The following RBM48 variants were observed in gnomAD, a reference collection of about 807,000 sequenced individuals.
RBM48 encodes the protein RNA-binding protein 48.
A neutral mutation model predicts 34.8 loss-of-function variants in RBM48; 32 were observed. That is an observed-to-expected ratio of 0.92 (90% CI 0.69 to 1.23). The LOEUF is 1.23. RBM48 is among the 50% of genes most tolerant of loss of function. The probability of loss-of-function intolerance (pLI) is 0.00; values close to 1 mark genes in which losing one functional copy is unlikely to be tolerated. For synonymous variants in RBM48, 151 were observed against 156.2 expected (o/e 0.97, Z 0.25); for missense variants, 441 against 447.2 (o/e 0.99, Z 0.12).
chr7:92,535,028 A>G (rs1388349595), intron 4 of RBM48, 58 bp downstream of exon 4: 1 of 1,588,954 alleles, frequency 6.3e-7, no homozygotes, highest in Non-Finnish European at 8.6e-7. Flanking sequence ...GATTAAATGG[A>G]GAATTATTTG....
At chr7:92,534,234 T>A (rs1793646452) in intron 3 of RBM48, 168 bp from the exon 4 acceptor site, 1 of 997,102 alleles carries the variant, frequency 1.0e-6, no homozygotes, top group East Asian at 2.7e-5. Flanking sequence ...TTTATCCGTT[T>A]TAGGTTTTAA....
In RBM48 at chr7:92,538,309, C is replaced by T. The variant is rs986947014; in HGVS notation, c.*1372C>T. 6.6e-6 allele frequency among the ~76,000 whole-genome samples: 1 copy of T among 152,194 alleles called. No individual in the cohort carries two copies. Among genetic ancestry groups the T allele is most frequent in the Non-Finnish European group, 1.5e-5 (1 of 68,032 alleles). ...GGTTGTGATAGACGGAGCAAGTGATCTATAGGCAACACATGGTTAGAGTTG... is the reference window on the plus strand; with the variant it reads ...GGTTGTGATAGACGGAGCAAGTGATTTATAGGCAACACATGGTTAGAGTTG... On this transcript the variant is annotated 3_prime_UTR_variant, in exon 5 of 5. Coordinates refer to ENST00000265732, the MANE Select transcript of RBM48 (RefSeq NM_032120.4).
At position 92,538,158 on chromosome 7, in the gene RBM48, A is replaced by G. The variant is rs1585281037; in HGVS notation, c.*1221A>G. On this transcript the variant is annotated 3_prime_UTR_variant, in exon 5 of 5. Transcript: ENST00000265732. ...GACAAAACCCCGCAGACACCAGGTT[A>G]TAGAAAGAAGAGGCTTTATTCGGCC... 6.6e-6 allele frequency among the ~76,000 whole-genome samples: 1 copy of G among 151,058 alleles called. No homozygotes were observed. Among genetic ancestry groups the G allele is most frequent in the East Asian group, 1.9e-4 (1 of 5,200 alleles).
chr7:92,538,684 T>G lies in RBM48; in HGVS notation c.*1747T>G, dbSNP rs1423079358. On this transcript the variant is annotated 3_prime_UTR_variant, in exon 5 of 5. Transcript: ENST00000265732. ...AGGCTTCTCAGACTATAAGTTGCTA[T>G]GATCTCCACCTCAGGATCTTGTTAA... Among the ~76,000 whole-genome samples, 1 of 152,186 alleles carries G rather than the reference T, an allele frequency of 6.6e-6. No homozygotes were observed. The highest frequency in any genetic ancestry group is 1.5e-5 in the Non-Finnish European group (1 of 68,028).
At chr7:92,532,298 C>A (rs1793594005) in intron 2 of RBM48, 106 bp from the exon 3 acceptor site, 1 of 906,284 alleles carries the variant, frequency 1.1e-6, no homozygotes, top group Non-Finnish European at 1.7e-6. Flanking sequence ...ATACACGTAG[C>A]AAAAGCTGGA....
At chr7:92,535,618 A>G (rs1793691982) in intron 4 of RBM48, 1 of 985,162 alleles carries the variant, frequency 1.0e-6, no homozygotes, top group Non-Finnish European at 1.2e-6. Flanking sequence ...GGTAGGGACT[A>G]CTGTTACAAA....
intron 2 of RBM48, among the ~76,000 whole-genome samples, chr7:92,532,111 T>C (rs1420557848): frequency 6.6e-6 from 1 of 152,160 alleles, no homozygotes; most frequent in Non-Finnish European, 1.5e-5. Context: ...AAGCTCCATT[T>C]TATGACCACA....
At position 92,534,945 on chromosome 7, in the gene RBM48, A is replaced by G. The variant is rs777288338; in HGVS notation, c.992A>G (p.Asn331Ser). The change falls in exon 4 of 5, where the codon AAT becomes AGT. Residue 331 changes from asparagine to serine, a missense_variant. Physicochemically the swap from Asn to Ser is conservative, Grantham distance 46. Transcript: ENST00000265732. ...MHDDSLNTTANLIRHKLKEVI... is the reference protein window; with the variant it reads ...MHDDSLNTTASLIRHKLKEVI... ...GATGACTCATTGAATACAACGGCGA[A>G]TTTAATTCGGCATAAACTTAAAGAG... 1.2e-6 allele frequency: 2 copies of G among 1,614,196 alleles called. No individual in the cohort carries two copies. Among genetic ancestry groups the G allele is most frequent in the Admixed American group, 3.3e-5 (2 of 60,010 alleles).
chr7:92,533,168 A>T (rs1011980157), intron 3 of RBM48, among the ~76,000 whole-genome samples: 12 of 152,242 alleles, frequency 7.9e-5, no homozygotes, highest in Non-Finnish European at 1.5e-4. Flanking sequence ...AAACTCTTGG[A>T]AAACTTACTC....
At chr7:92,536,490 A>G in intron 4 of RBM48, 2 of 989,576 alleles carry the variant, frequency 2.0e-6, no homozygotes, top group Non-Finnish European at 2.4e-6. Flanking sequence ...CATCCCCCCA[A>G]ATCTATCAAA....
rs1367451240 is a variant in RBM48 at position 92,534,670 on chromosome 7, C to T, written c.717C>T (p.Asn239=). The change falls in exon 4 of 5, where the codon AAC becomes AAT. Residue 239 remains asparagine (N), a synonymous_variant. Transcript: ENST00000265732. The part of the protein sequence containing the change: ...RNHHKTMGHY[N]HNDSLRKTQI... Reference sequence around the variant, plus strand: ...ATCATAAAACAATGGGGCATTATAACCACAATGACTCTTTGCGGAAAACAC... The same window carrying T: ...ATCATAAAACAATGGGGCATTATAATCACAATGACTCTTTGCGGAAAACAC... The T allele has an allele frequency of 1.2e-6, 2 of 1,614,208 alleles. No individual in the cohort carries two copies. Among genetic ancestry groups the T allele is most frequent in the Admixed American group, 1.7e-5 (1 of 60,030 alleles).
At chr7:92,536,018 C>A in intron 4 of RBM48, 1 of 393,096 alleles carries the variant, frequency 2.5e-6, no homozygotes. Context: ...ACTCTTGTAG[C>A]TACTTGGGAA....
chr7:92,536,951 A>G lies in RBM48; in HGVS notation c.*14A>G, dbSNP rs1461308504. The G allele has an allele frequency of 3.3e-6, 5 of 1,532,800 alleles. No homozygotes were observed. The highest frequency in any genetic ancestry group is 4.4e-6 in the Non-Finnish European group (5 of 1,136,180). 94.9% of individuals were successfully genotyped at this position (1,532,800 alleles called of 1,614,324 possible). On this transcript the variant is annotated 3_prime_UTR_variant, in exon 5 of 5. Coordinates refer to ENST00000265732, the MANE Select transcript of RBM48 (RefSeq NM_032120.4). ...AGAAGAATATAGAGTGCCAGCAGCAACTTAGTATTTTCTAAAAAGAACATT... is the reference window on the plus strand; with the variant it reads ...AGAAGAATATAGAGTGCCAGCAGCAGCTTAGTATTTTCTAAAAAGAACATT...
intron 3 of RBM48, chr7:92,534,095 A>G (rs2116324338): frequency 6.6e-6 from 2 of 300,762 alleles, no homozygotes; most frequent in East Asian, 1.8e-4. Context: ...TGGGGAGAAA[A>G]TGGGAGGAAG....
intron 4 of RBM48, chr7:92,535,998 G>A (rs1003576446): frequency 3.5e-5 from 13 of 368,702 alleles, no homozygotes; most frequent in Middle Eastern, 1.3e-3. Flanking sequence ...TTAGCCAGGC[G>A]TGGTGGTGAA....
chr7:92,532,550 G>C lies in RBM48; in HGVS notation c.448+1G>C, dbSNP rs1388893735. 1 of 1,606,894 alleles carries C rather than the reference G, an allele frequency of 6.2e-7. No individual in the cohort carries two copies. The highest frequency in any genetic ancestry group is 1.3e-5 in the African/African-American group (1 of 74,578). ...GTAGTAAAAACTACTGAAAATAAAGGTATGGAAAGCATATTGCTAAATGCC... is the reference window on the plus strand; with the variant it reads ...GTAGTAAAAACTACTGAAAATAAAGCTATGGAAAGCATATTGCTAAATGCC... On this transcript the variant is annotated splice_donor_variant, in intron 3 of 4. Transcript: ENST00000265732. LOFTEE classifies it high-confidence loss of function.
At chr7:92,533,466 G>A (rs1265274143) in intron 3 of RBM48, among the ~76,000 whole-genome samples, 1 of 152,202 alleles carries the variant, frequency 6.6e-6, no homozygotes, top group Non-Finnish European at 1.5e-5. Flanking sequence ...TCTGTCCAGA[G>A]TTTACTTTTT....
In RBM48 at chr7:92,534,525, C is replaced by T; in HGVS notation, c.572C>T (p.Ser191Leu). ...GCTTTGAACACTTCTGCAGGGAACT[C>T]AAATCCTTATCTTCCGTATTCCTGT... is the stretch of plus-strand genomic sequence containing the variant. ...KAALNTSAGN[S>L]NPYLPYSCEL... The change falls in exon 4 of 5, where the codon TCA becomes TTA. Residue 191 changes from serine (S) to leucine (L), a missense_variant. Transcript: ENST00000265732. 1.9e-6 allele frequency: 3 copies of T among 1,614,130 alleles called. No individual in the cohort carries two copies. The highest frequency in any genetic ancestry group is 1.1e-5 in the South Asian group (1 of 91,074).
intron 2 of RBM48, among the ~76,000 whole-genome samples, chr7:92,530,669 G>A (rs374522094): frequency 2.6e-5 from 4 of 152,082 alleles, no homozygotes; most frequent in African/African-American, 9.6e-5. Context: ...CTGTGTTGGT[G>A]CAAACCTTTA....
Sources: gnomAD v4.1 joint callset for allele counts (sites outside exome capture counted in the v4.1 genomes callset) on GRCh38, gnomAD v4.1.1 for gene constraint, MANE v1.5 for transcripts, NCBI Gene and HGNC (gene_info 2026-07-23, HGNC 2026-07-21) for gene names.